Variants in KCNH1 observed in about 807,000 individuals in gnomAD.
KCNH1 encodes potassium voltage-gated channel subfamily H member 1.
Under a neutral mutation model 69.2 loss-of-function variants are expected in KCNH1, and 27 were observed. That is an observed-to-expected ratio of 0.39 (90% CI 0.29 to 0.54). The LOEUF is 0.54. Ranked by LOEUF, KCNH1 falls within the 20% of genes least tolerant of loss-of-function variation. The probability of loss-of-function intolerance (pLI) is 0.68; values close to 1 mark genes in which losing one functional copy is unlikely to be tolerated. For missense variants in KCNH1, 798 were observed against 1,261.6 expected (o/e 0.63, Z 5.57); for synonymous variants, 456 against 487.7 (o/e 0.93, Z 0.86).
At chr1:210,980,838 T>A (rs1184271799) in intron 6 of KCNH1, among the ~76,000 whole-genome samples, 1 of 152,078 alleles carries the variant, frequency 6.6e-6, no homozygotes, top group African/African-American at 2.4e-5. Context: ...TGTGTGTGTG[T>A]GTGTGTGCAT....
intron 9 of KCNH1, among the ~76,000 whole-genome samples, chr1:210,796,323 A>G (rs1364358275): frequency 1.3e-5 from 2 of 152,144 alleles, no homozygotes; most frequent in Non-Finnish European, 2.9e-5. Context: ...AAATGGGGAT[A>G]ATAAAACCAT....
chr1:211,049,859 C>A (rs1443674949), intron 5 of KCNH1, among the ~76,000 whole-genome samples: 1 of 152,152 alleles, frequency 6.6e-6, no homozygotes, highest in African/African-American at 2.4e-5. Flanking sequence ...GTCGCCAGTA[C>A]CTGCAGCCTC....
intron 5 of KCNH1, among the ~76,000 whole-genome samples, chr1:211,025,989 T>C (rs1480241205): frequency 2.0e-5 from 3 of 152,178 alleles, no homozygotes; most frequent in African/African-American, 7.2e-5. Context: ...GCAGCCTCCA[T>C]AACTAGCATT....
intron 7 of KCNH1, among the ~76,000 whole-genome samples, chr1:210,883,124 G>T (rs966214836): frequency 2.0e-5 from 3 of 152,118 alleles, no homozygotes; most frequent in South Asian, 4.1e-4. Flanking sequence ...GTATGATGGT[G>T]GGGGAGGGAG....
intron 6 of KCNH1, among the ~76,000 whole-genome samples, chr1:210,960,028 T>C (rs199533776): frequency 1.3e-5 from 2 of 152,228 alleles, no homozygotes; most frequent in Non-Finnish European, 2.9e-5. Flanking sequence ...TGTTCCTATT[T>C]GGCCATCTTG....
chr1:210,742,365 C>A (rs1273302047), intron 10 of KCNH1, among the ~76,000 whole-genome samples: 1 of 152,142 alleles, frequency 6.6e-6, no homozygotes, highest in East Asian at 1.9e-4. Flanking sequence ...TGCACTGGAG[C>A]CCATGGTTTT....
At chr1:210,700,748 C>G (rs1681753386) in intron 10 of KCNH1, among the ~76,000 whole-genome samples, 1 of 152,070 alleles carries the variant, frequency 6.6e-6, no homozygotes, top group Non-Finnish European at 1.5e-5. Flanking sequence ...TGGATGTGTT[C>G]CAATGGAACT....
rs544319687 is a variant in KCNH1, at chr1:210,987,183, G to A, written c.1032+31600C>T. 1.6e-4 allele frequency among the ~76,000 whole-genome samples: 25 copies of A among 152,182 alleles called. No homozygotes were observed. In the South Asian group the frequency reaches 3.1e-3, roughly 19 times the overall value. On this transcript the variant is annotated intron_variant, in intron 6 of 10. Coordinates refer to ENST00000271751, the MANE Select transcript of KCNH1 (RefSeq NM_172362.3). The stretch of plus-strand genomic sequence containing the variant: ...CATTGGTTATTCTAGTTAGCCATTC[G>A]TCTAATTTTTTTCAAGGTTTTTAAC...
chr1:211,125,623 A>G (rs1691763433), intron 1 of KCNH1, among the ~76,000 whole-genome samples: 1 of 152,214 alleles, frequency 6.6e-6, no homozygotes, highest in African/African-American at 2.4e-5. Context: ...TACGGTATCA[A>G]CTTTCAAATG....
chr1:210,980,829 G>C (rs1038387816), intron 6 of KCNH1, among the ~76,000 whole-genome samples: 1 of 152,058 alleles, frequency 6.6e-6, no homozygotes, highest in African/African-American at 2.4e-5. Context: ...ATGTGTGTGT[G>C]TGTGTGTGTG....
At chr1:210,910,441 C>A (rs1687207654) in intron 7 of KCNH1, among the ~76,000 whole-genome samples, 1 of 152,250 alleles carries the variant, frequency 6.6e-6, no homozygotes, top group Admixed American at 6.5e-5. Context: ...AGGTGCTCAG[C>A]CCCTTTCTAA....
chr1:211,116,271 C>T (rs745516982), intron 1 of KCNH1, among the ~76,000 whole-genome samples: 7 of 152,140 alleles, frequency 4.6e-5, no homozygotes, highest in East Asian at 3.8e-4. Context: ...TATCTGGGCA[C>T]GCCATGGCCC....
At chr1:210,888,832 A>AC (rs1192776778) in intron 7 of KCNH1, among the ~76,000 whole-genome samples, 4 of 152,074 alleles carry the variant, frequency 2.6e-5, no homozygotes, top group African/African-American at 7.2e-5. Context: ...GGACACATAT[A>AC]CCCCCCCAAG....
chr1:210,992,126 A>G (rs893787327), intron 6 of KCNH1, among the ~76,000 whole-genome samples: 1 of 152,224 alleles, frequency 6.6e-6, no homozygotes, highest in South Asian at 2.1e-4. Context: ...AGTAATCTAC[A>G]TACATATCTA....
At chr1:210,996,572 A>T (rs1241532807) in intron 6 of KCNH1, among the ~76,000 whole-genome samples, 2 of 152,190 alleles carry the variant, frequency 1.3e-5, no homozygotes, top group African/African-American at 4.8e-5. Context: ...GCACAGACAA[A>T]CAAAAAGACA....
chr1:210,718,978 T>C (rs966287710), intron 10 of KCNH1, among the ~76,000 whole-genome samples: 1 of 152,136 alleles, frequency 6.6e-6, no homozygotes, highest in Non-Finnish European at 1.5e-5. Context: ...GCGTGGTAGA[T>C]GACAACTCCC....
intron 10 of KCNH1, among the ~76,000 whole-genome samples, chr1:210,728,504 T>C (rs1358515645): frequency 6.6e-6 from 1 of 152,168 alleles, no homozygotes; most frequent in African/African-American, 2.4e-5. Context: ...ATTAACGTTT[T>C]GCCTTGATGA....
chr1:211,131,628 C>T (rs1571672047), intron 1 of KCNH1, among the ~76,000 whole-genome samples: 1 of 152,124 alleles, frequency 6.6e-6, no homozygotes. Flanking sequence ...TTTAAATAGA[C>T]TTTTTCCACC....
chr1:210,965,273 AT>A (rs1688377424), intron 6 of KCNH1, among the ~76,000 whole-genome samples: 1 of 152,194 alleles, frequency 6.6e-6, no homozygotes, highest in Non-Finnish European at 1.5e-5. Context: ...AGAGAAAGAA[AT>A]AAAGGGTATT....
Sources: gnomAD v4.1 joint callset for allele counts (sites outside exome capture counted in the v4.1 genomes callset) on GRCh38, gnomAD v4.1.1 for gene constraint, MANE v1.5 for transcripts, NCBI Gene and HGNC (gene_info 2026-07-23, HGNC 2026-07-21) for gene names.